KAT6B: variants seen among roughly 807,000 people sequenced by gnomAD.
The protein encoded by KAT6B is histone acetyltransferase KAT6B.
A neutral mutation model predicts 187.5 loss-of-function variants in KAT6B; 10 were observed. That is an observed-to-expected ratio of 0.05 (90% confidence interval 0.03 to 0.09). The LOEUF is 0.09. KAT6B is among the 10% of genes least tolerant of loss of function. The pLI is 1.00. For missense variants in KAT6B, 1,952 were observed against 2,558.9 expected, an observed-to-expected ratio of 0.76 and a Z score of 5.12; for synonymous variants, 861 against 926.8, an observed-to-expected ratio of 0.93 and a Z score of 1.29.
chr10:74,964,667 T>C (rs1187343411), intron 4 of KAT6B, among the ~76,000 whole-genome samples: 1 of 152,030 alleles, frequency 6.6e-6, no homozygotes, highest in East Asian at 1.9e-4. Context: ...CTCATCAACC[T>C]TGCACTGCTT....
rs556282727 is a variant in KAT6B, at chr10:74,835,951, A to C, written c.-328-2732A>C. Reference sequence around the variant, plus strand: ...TTCCAAAACATTTTTATTGATCCCAAATAAAACCCCTTACCCATTAAGCAG... The same window carrying C: ...TTCCAAAACATTTTTATTGATCCCACATAAAACCCCTTACCCATTAAGCAG... On this transcript the variant is annotated intron_variant, in intron 1 of 17. Coordinates refer to ENST00000287239, the MANE Select transcript of KAT6B (RefSeq NM_012330.4). 2.6e-5 allele frequency among the ~76,000 whole-genome samples: 4 copies of C among 152,336 alleles called. No homozygotes were observed. The South Asian group carries it at 6.2e-4, about 24-fold the overall frequency.
chr10:74,903,785 T>C (rs1846562203), intron 3 of KAT6B, among the ~76,000 whole-genome samples: 1 of 152,188 alleles, frequency 6.6e-6, no homozygotes, highest in Admixed American at 6.5e-5. Flanking sequence ...TAGTCCAGGG[T>C]CTGGCTAATT....
intron 3 of KAT6B, among the ~76,000 whole-genome samples, chr10:74,956,796 A>G (rs930368696): frequency 2.6e-5 from 4 of 152,368 alleles, no homozygotes; most frequent in East Asian, 1.9e-4. Context: ...GGGCCATTGC[A>G]TGGGAGACAA....
At chr10:75,011,157 T>C (rs774076149) in intron 13 of KAT6B, among the ~76,000 whole-genome samples, 15 of 152,108 alleles carry the variant, frequency 9.9e-5, no homozygotes, top group Non-Finnish European at 1.6e-4. Context: ...TCTATTTCAA[T>C]TGTGTTATTT....
At position 75,028,915 on chromosome 10, in the gene KAT6B, A is replaced by G. The variant is rs1846092945; in HGVS notation, c.4091A>G (p.Glu1364Gly). ...EEEEEEEEEEEEEEEGEEEEG... is the reference protein window; with the variant it reads ...EEEEEEEEEEGEEEEGEEEEG... ...GAGGAGGAGGAGGAAGAGGAAGAAG[A>G]GGAAGAAGAGGAAGGGGAAGAAGAA... Residue 1364 changes from glutamate (E) to glycine (G), a missense_variant, in exon 18 of 18, where the codon GAG (glutamate) becomes GGG (glycine). This residue lies in a region of KAT6B where 758 missense variants were observed against 891.4 expected (regional missense o/e 0.85). Coordinates refer to ENST00000287239, the MANE Select transcript of KAT6B (RefSeq NM_012330.4). The G allele has an allele frequency of 4.3e-6, 7 of 1,611,748 alleles. No homozygotes were observed. The highest frequency in any genetic ancestry group is 1.3e-5 in the African/African-American group (1 of 74,848).
intron 13 of KAT6B, among the ~76,000 whole-genome samples, chr10:75,005,740 T>C (rs1844161839): frequency 6.6e-6 from 1 of 152,252 alleles, no homozygotes; most frequent in Non-Finnish European, 1.5e-5. Context: ...TGTACTCTAA[T>C]ATTCATGCTA....
rs933289359 is a variant in KAT6B, at chr10:75,022,114, A to T, written c.3255A>T (p.Glu1085Asp). The T allele has an allele frequency of 6.2e-7, 1 of 1,601,660 alleles. No individual in the cohort carries two copies. Among genetic ancestry groups the T allele is most frequent in the Non-Finnish European group, 8.5e-7 (1 of 1,170,020 alleles). ...EEDEEEEEEE[E>D]EEEEDEEEEE... is the part of the protein sequence containing the mutation. ...ACGAGGAGGAGGAAGAAGAGGAGGAAGAAGAGGAAGAGGATGAAGAGGAGG... is the reference window on the plus strand; with the variant it reads ...ACGAGGAGGAGGAAGAAGAGGAGGATGAAGAGGAAGAGGATGAAGAGGAGG... Residue 1085 changes from glutamate to aspartate, a missense_variant, in exon 16 of 18, where the codon GAA becomes GAT. By Grantham distance (45) the Glu-to-Asp change is conservative. Around this residue, in one of 9 missense-constraint regions of KAT6B, gnomAD observed 758 missense variants for 891.4 expected, o/e 0.85. Transcript: ENST00000287239.
chr10:74,996,281 T>A (rs1287940876), intron 13 of KAT6B, among the ~76,000 whole-genome samples: 3 of 152,230 alleles, frequency 2.0e-5, no homozygotes, highest in Non-Finnish European at 2.9e-5. Flanking sequence ...CAACAAATGT[T>A]GCATAGTATT....
intron 2 of KAT6B, among the ~76,000 whole-genome samples, chr10:74,841,522 G>A (rs544475865): frequency 2.0e-5 from 3 of 151,790 alleles, no homozygotes; most frequent in African/African-American, 4.8e-5. Context: ...CTGAGATTGC[G>A]CTATTGCACT....
At chr10:74,877,308 ATCT>A (rs1191003711) in intron 3 of KAT6B, among the ~76,000 whole-genome samples, 1 of 152,242 alleles carries the variant, frequency 6.6e-6, no homozygotes, top group Non-Finnish European at 1.5e-5. Flanking sequence ...TGATTTAAAA[ATCT>A]CAGTTGAAGC....
intron 3 of KAT6B, among the ~76,000 whole-genome samples, chr10:74,914,872 A>G (rs938029018): frequency 6.6e-6 from 1 of 152,140 alleles, no homozygotes; most frequent in African/African-American, 2.4e-5. Context: ...TGGGAGGATC[A>G]CTGGAGGCCA....
chr10:75,020,890 C>G, intron 14 of KAT6B, 77 bp downstream of exon 14: 1 of 1,237,466 alleles, frequency 8.1e-7, no homozygotes, highest in Non-Finnish European at 1.2e-6. Flanking sequence ...TAGGTGCATT[C>G]ATTCCAGTTA....
At position 75,031,410 on chromosome 10, in the gene KAT6B, CT is replaced by C. The variant is rs902334655; in HGVS notation, c.*373del. On this transcript the variant is annotated 3_prime_UTR_variant, in exon 18 of 18. Transcript: ENST00000287239. ...ATCTGTTTTAATATTGAACCTAGAGCTTTTTTTTTCCCTTCCCTGTCCACTC... is the reference window on the plus strand; with the variant it reads ...ATCTGTTTTAATATTGAACCTAGAGCTTTTTTTTCCCTTCCCTGTCCACTC... 117 of 364,356 alleles carry C rather than the reference CT, an allele frequency of 3.2e-4. No individual in the cohort carries two copies. The highest frequency in any genetic ancestry group is 1.6e-3 in the Middle Eastern group (2 of 1,286). 22.6% of individuals were successfully genotyped at this position (364,356 alleles called of 1,614,324 possible). A position where few individuals can be genotyped will look rare whatever the true frequency, so the allele number is the denominator to read the frequency against.
chr10:74,825,352 C>T (rs1840107204), upstream of KAT6B, among the ~76,000 whole-genome samples: 1 of 146,878 alleles, frequency 6.8e-6, no homozygotes, highest in Non-Finnish European at 1.5e-5. This position sits in a 1 kb window ranked among gnomAD's most constrained non-coding sequence, Gnocchi z 5.0. Context: ...CCCCCCGGGG[C>T]GGAGGCAGGT....
rs536619923 is a variant in KAT6B at position 74,962,933 on chromosome 10, C to G, written c.730+2855C>G. Among the ~76,000 whole-genome samples, 44 of 151,944 alleles carry G rather than the reference C, an allele frequency of 2.9e-4. 1 individual carries two copies. In the South Asian group the frequency reaches 9.0e-3, roughly 31 times the overall value. On this transcript the variant is annotated intron_variant, in intron 4 of 17. Coordinates refer to ENST00000287239, the MANE Select transcript of KAT6B (RefSeq NM_012330.4). Reference sequence around the variant, plus strand: ...GGTGAGGTATGTAGTGCCCGGAGCTCTGAATGTGGTGTCCCTAGCCTGGGT... The same window carrying G: ...GGTGAGGTATGTAGTGCCCGGAGCTGTGAATGTGGTGTCCCTAGCCTGGGT...
chr10:74,920,861 G>T (rs1489938537), intron 3 of KAT6B, among the ~76,000 whole-genome samples: 1 of 152,072 alleles, frequency 6.6e-6, no homozygotes, highest in East Asian at 1.9e-4. Flanking sequence ...TCCCAAGGTG[G>T]GATGGCCCCA....
intron 13 of KAT6B, among the ~76,000 whole-genome samples, chr10:75,002,673 A>G (rs371822735): frequency 6.6e-6 from 1 of 152,238 alleles, no homozygotes. Flanking sequence ...TGGTTGTAAC[A>G]TAATGGTATT....
At chr10:74,887,064 C>T (rs997307781) in intron 3 of KAT6B, among the ~76,000 whole-genome samples, 3 of 152,150 alleles carry the variant, frequency 2.0e-5, no homozygotes, top group Non-Finnish European at 4.4e-5. Context: ...CACCGTCTCT[C>T]TGGGGACAGG....
At chr10:74,862,751 G>A (rs1843271741) in intron 3 of KAT6B, among the ~76,000 whole-genome samples, 1 of 152,154 alleles carries the variant, frequency 6.6e-6, no homozygotes, top group Non-Finnish European at 1.5e-5. Context: ...GACTAATAGG[G>A]ATGATAATAT....
Sources: allele counts gnomAD v4.1 joint callset (sites outside exome capture counted in the v4.1 genomes callset), GRCh38; gene constraint gnomAD v4.1.1; regional missense constraint gnomAD v4.1.1; non-coding constraint Gnocchi (gnomAD v3.1); transcripts MANE v1.5; gene names NCBI Gene and HGNC (gene_info 2026-07-23, HGNC 2026-07-21).